Variants in TBC1D12 observed in about 807,000 individuals in gnomAD.
TBC1D12 encodes the protein TBC1 domain family member 12.
In TBC1D12, 56 loss-of-function variants were observed where a neutral mutation model predicts 86.7. The ratio of observed to expected loss-of-function variants is 0.65; its 90% CI spans 0.52 to 0.81. The LOEUF is 0.81. Ranked by LOEUF, TBC1D12 falls within the 30% of genes least tolerant of loss-of-function variation. The probability of loss-of-function intolerance (pLI) is 0.00; values close to 1 mark genes in which losing one functional copy is unlikely to be tolerated. For missense variants in TBC1D12, 1,023 were observed against 1,038.8 expected (o/e 0.98, Z 0.21); for synonymous variants, 421 against 411.7 (o/e 1.02, Z -0.27).
rs778640334 is a variant in TBC1D12, at chr10:94,403,498, G to A, written c.885G>A (p.Pro295=). The A allele has an allele frequency of 7.1e-6, 11 of 1,549,416 alleles. No homozygotes were observed. In the South Asian group the frequency reaches 8.4e-5, roughly 12 times the overall value. The part of the protein sequence containing the change: ...ARDHLPPAGP[P]VPLPAAEQGP... Reference sequence around the variant, plus strand: ...ATCACCTGCCCCCGGCGGGGCCGCCGGTGCCCTTGCCCGCCGCGGAGCAGG... The same window carrying A: ...ATCACCTGCCCCCGGCGGGGCCGCCAGTGCCCTTGCCCGCCGCGGAGCAGG... Residue 295 remains proline (P), a synonymous_variant, in exon 1 of 13, where the codon CCG becomes CCA. Transcript: ENST00000225235.
chr10:94,522,299 C>T (rs1386851062), intron 10 of TBC1D12, 45 bp from the exon 11 acceptor site: 1 of 1,167,084 alleles, frequency 8.6e-7, no homozygotes, highest in East Asian at 2.6e-5. Flanking sequence ...TTCTTTATTT[C>T]TAGACTATAT....
At chr10:94,466,780 A>G (rs2055831001) in intron 2 of TBC1D12, among the ~76,000 whole-genome samples, 1 of 152,186 alleles carries the variant, frequency 6.6e-6, no homozygotes, top group African/African-American at 2.4e-5. Context: ...ATTACTATTA[A>G]TTAAACTCCA....
At chr10:94,488,178 G>C (rs1274945172) in intron 3 of TBC1D12, among the ~76,000 whole-genome samples, 1 of 151,858 alleles carries the variant, frequency 6.6e-6, no homozygotes, top group Non-Finnish European at 1.5e-5. Flanking sequence ...TTGAGGTCAG[G>C]AGTTCCAGGC....
At position 94,536,248 on chromosome 10, in the gene TBC1D12, G is replaced by T. The variant is rs1842535926; in HGVS notation, c.*3152G>T. ...TCAAAATAATGTGAAATTTAATATG[G>T]TGTTTCATTTGTTTGTCTACTCAAT... On this transcript the variant is annotated 3_prime_UTR_variant, in exon 13 of 13. Coordinates refer to ENST00000225235, the MANE Select transcript of TBC1D12 (RefSeq NM_015188.2). 6.6e-6 allele frequency among the ~76,000 whole-genome samples: 1 copy of T among 151,630 alleles called. No individual in the cohort carries two copies. The highest frequency in any genetic ancestry group is 1.5e-5 in the Non-Finnish European group (1 of 67,916).
chr10:94,486,053 A>G (rs951651203), intron 3 of TBC1D12, among the ~76,000 whole-genome samples: 26 of 150,926 alleles, frequency 1.7e-4, no homozygotes, highest in Admixed American at 1.6e-3. Context: ...TTTCAAAAAA[A>G]CCAACTTTTT....
intron 1 of TBC1D12, among the ~76,000 whole-genome samples, chr10:94,438,590 T>A (rs1032861450): frequency 4.3e-4 from 65 of 152,054 alleles, no homozygotes; most frequent in Admixed American, 4.1e-3. Context: ...GAACATGGGC[T>A]GCTATCCCCA....
intron 1 of TBC1D12, among the ~76,000 whole-genome samples, chr10:94,420,330 T>C (rs2134061587): frequency 6.6e-6 from 1 of 152,356 alleles, no homozygotes; most frequent in South Asian, 2.1e-4. Context: ...AACGTTGAGA[T>C]ACAAATGTCT....
In TBC1D12 at chr10:94,403,533, GGGCTTCGGCCCGGGCTCGACGGAGTGGC is replaced by G; in HGVS notation, c.928_955del (p.Ala310ArgfsTer79). 6.5e-7 allele frequency: 1 copy of G among 1,533,302 alleles called. No individual in the cohort carries two copies. The highest frequency in any genetic ancestry group is 8.7e-7 in the Non-Finnish European group (1 of 1,148,756). The allele number at this position is 1,533,302 out of a possible 1,614,324, so 95.0% of individuals were successfully genotyped here. ...CCCGCCGCGGAGCAGGGTCCTGCGG[GGGCTTCGGCCCGGGCTCGACGGAGTGGC>G]GGCTTCGCGGACTTCTTCACCAGGT... On this transcript the variant is annotated frameshift_variant, in exon 1 of 13. Coordinates refer to ENST00000225235, the MANE Select transcript of TBC1D12 (RefSeq NM_015188.2). LOFTEE classifies it high-confidence loss of function.
chr10:94,496,362 G>A (rs892523760), intron 4 of TBC1D12, among the ~76,000 whole-genome samples: 1 of 151,976 alleles, frequency 6.6e-6, no homozygotes, highest in Non-Finnish European at 1.5e-5. Flanking sequence ...CAGAATCTAA[G>A]AGATGTACTG....
chr10:94,508,169 C>T (rs572643822), intron 7 of TBC1D12, among the ~76,000 whole-genome samples: 20 of 151,512 alleles, frequency 1.3e-4, no homozygotes, highest in African/African-American at 4.1e-4. Context: ...CCTTTCTTGC[C>T]TGTTTTCCTT....
At chr10:94,426,519 G>A (rs1432832648) in intron 1 of TBC1D12, among the ~76,000 whole-genome samples, 1 of 152,026 alleles carries the variant, frequency 6.6e-6, no homozygotes, top group Non-Finnish European at 1.5e-5. Context: ...GTATTCCCAG[G>A]ATAAACCCCA....
rs577500350 is a variant in TBC1D12 at position 94,439,125 on chromosome 10, A to G, written c.972-2771A>G. Among the ~76,000 whole-genome samples the G allele has an allele frequency of 1.5e-4, 23 of 152,086 alleles. 1 individual carries two copies. The highest frequency in any genetic ancestry group is 2.8e-4 in the Non-Finnish European group (19 of 67,968). On this transcript the variant is annotated intron_variant, in intron 1 of 12. Coordinates refer to ENST00000225235, the MANE Select transcript of TBC1D12 (RefSeq NM_015188.2). ...CGCTCCAGTTACTCTTTCTAGCTCAACTTTTACTTTGGTGGGGAGACTGAC... is the reference window on the plus strand; with the variant it reads ...CGCTCCAGTTACTCTTTCTAGCTCAGCTTTTACTTTGGTGGGGAGACTGAC...
At chr10:94,520,559 T>TAA (rs74862567) in intron 9 of TBC1D12, among the ~76,000 whole-genome samples, 1 of 150,958 alleles carries the variant, frequency 6.6e-6, no homozygotes, top group Non-Finnish European at 1.5e-5. Flanking sequence ...CTCAAAAAAA[T>TAA]AAAAAAATAA....
At chr10:94,403,716 A>C (rs947835813) in intron 1 of TBC1D12, 132 bp downstream of exon 1, 27 of 1,104,942 alleles carry the variant, frequency 2.4e-5, no homozygotes, top group Non-Finnish European at 3.3e-5. Context: ...CCAGCCCCAC[A>C]CGCGTCAGGA....
At chr10:94,478,929 C>A (rs1162971764) in intron 3 of TBC1D12, among the ~76,000 whole-genome samples, 1 of 151,716 alleles carries the variant, frequency 6.6e-6, no homozygotes, top group East Asian at 1.9e-4. Flanking sequence ...GCACTCCAGT[C>A]TGGTGACAAA....
At chr10:94,527,805 C>G (rs1301603909) in intron 11 of TBC1D12, among the ~76,000 whole-genome samples, 1 of 152,058 alleles carries the variant, frequency 6.6e-6, no homozygotes, top group Non-Finnish European at 1.5e-5. Flanking sequence ...AGTTTTTCCC[C>G]CAGCACCATT....
intron 6 of TBC1D12, among the ~76,000 whole-genome samples, chr10:94,501,750 G>C (rs1487207382): frequency 2.0e-5 from 3 of 151,700 alleles, no homozygotes; most frequent in African/African-American, 7.3e-5. Context: ...GTTTTGCCAT[G>C]CTGGCCAGGC....
At chr10:94,464,176 G>T (rs186014061) in intron 2 of TBC1D12, among the ~76,000 whole-genome samples, 1 of 151,692 alleles carries the variant, frequency 6.6e-6, no homozygotes, top group African/African-American at 2.4e-5. Context: ...CATATAGTTG[G>T]GTCTTGCTTT....
intron 2 of TBC1D12, among the ~76,000 whole-genome samples, chr10:94,468,939 A>G (rs1048049566): frequency 2.0e-5 from 3 of 152,168 alleles, no homozygotes; most frequent in African/African-American, 4.8e-5. Context: ...GCAAGATCTG[A>G]CGTGAATATT....
Sources: allele counts gnomAD v4.1 joint callset (sites outside exome capture counted in the v4.1 genomes callset), GRCh38; gene constraint gnomAD v4.1.1; transcripts MANE v1.5; gene names NCBI Gene and HGNC (gene_info 2026-07-23, HGNC 2026-07-21).